Variants in CELSR1 observed in about 807,000 individuals in gnomAD.
CELSR1 encodes the protein cadherin EGF LAG seven-pass G-type receptor 1.
A neutral mutation model predicts 249.1 loss-of-function variants in CELSR1; 110 were observed. The observed-to-expected ratio is 0.44, with a 90% confidence interval of 0.38 to 0.52. The LOEUF (loss-of-function observed/expected upper bound fraction) is 0.52, where lower values mean the gene tolerates loss of function less well. Ranked by LOEUF, CELSR1 falls within the 20% of genes least tolerant of loss-of-function variation. The probability of loss-of-function intolerance (pLI) is 0.00; values close to 1 mark genes in which losing one functional copy is unlikely to be tolerated. For missense variants in CELSR1, 4,109 were observed against 4,296.4 expected, an observed-to-expected ratio of 0.96 and a Z score of 1.22; for synonymous variants, 2,113 against 1,900.0, an observed-to-expected ratio of 1.11 and a Z score of -2.92.
intron 5 of CELSR1, among the ~76,000 whole-genome samples, chr22:46,415,439 CG>C (rs1376965591): frequency 3.9e-5 from 6 of 152,080 alleles, no homozygotes; most frequent in African/African-American, 1.4e-4. Context: ...CATGAGCCAC[CG>C]TACCATCCAG....
At chr22:46,397,572 G>A in intron 12 of CELSR1, 102 bp downstream of exon 12, 11 of 1,094,910 alleles carry the variant, frequency 1.0e-5, no homozygotes, top group Non-Finnish European at 1.3e-5. Flanking sequence ...GGAACCACAG[G>A]GAGTTGGCTG....
Position 46,535,154 on chromosome 22 carries a change from C to T in CELSR1, c.2017G>A (p.Val673Met). 1.2e-6 allele frequency: 2 copies of T among 1,609,868 alleles called. No homozygotes were observed. Among genetic ancestry groups the T allele is most frequent in the South Asian group, 1.1e-5 (1 of 90,942 alleles). The change falls in exon 1 of 35, where the codon GTG becomes ATG. Residue 673 changes from valine (V) to methionine (M), a missense_variant. Val to Met is a conservative substitution (Grantham distance 21). Transcript: ENST00000674500. ...TTCACGTCCAGCACCGTGATGGACA[C>T]GCTGGTGGAGGAGCTCATGGGGGGC... ...GSPPMSSSTS[V>M]SITVLDVNDN...
chr22:46,409,654 G>T lies in CELSR1; in HGVS notation c.5059+101C>A. ...CAGCATATACCACCAGAGGCTGCCG[G>T]ACCTGGATGTGAAGCCCCCTCACGG... On this transcript the variant is annotated intron_variant, in intron 8 of 34. Transcript: ENST00000674500. This position sits in a 1 kb window ranked among gnomAD's most constrained non-coding sequence, Gnocchi z 9.8. 7.0e-7 allele frequency: 1 copy of T among 1,425,266 alleles called. No individual in the cohort carries two copies. Among genetic ancestry groups the T allele is most frequent in the Non-Finnish European group, 9.7e-7 (1 of 1,029,294 alleles). The allele number at this position is 1,425,266 out of a possible 1,614,324, so 88.3% of individuals were successfully genotyped here.
At chr22:46,477,213 C>T (rs1307835054) in intron 1 of CELSR1, among the ~76,000 whole-genome samples, 1 of 152,160 alleles carries the variant, frequency 6.6e-6, no homozygotes, top group East Asian at 1.9e-4. Context: ...GAGCCAAAGT[C>T]GCCATCTGTT....
At chr22:46,419,140 C>T (rs1033742356) in intron 5 of CELSR1, among the ~76,000 whole-genome samples, 3 of 152,194 alleles carry the variant, frequency 2.0e-5, no homozygotes, top group African/African-American at 4.8e-5. Flanking sequence ...AGCCCTGCTC[C>T]TTTGGGGCTC....
intron 1 of CELSR1, among the ~76,000 whole-genome samples, chr22:46,480,403 C>T (rs944269948): frequency 1.3e-5 from 2 of 152,174 alleles, no homozygotes; most frequent in African/African-American, 2.4e-5. Flanking sequence ...AAGTTCTTAT[C>T]CAAATGATAA....
chr22:46,473,609 G>GGGTCCAGAGTC lies in CELSR1; in HGVS notation c.3545-9275_3545-9265dup, dbSNP rs1229416147. ...GTTAGGGCAGCCCATGATGCCCTCG[G>GGGTCCAGAGTC]GGTCCAGAGTCATTCCCCGTGGCCG... On this transcript the variant is annotated intron_variant, in intron 1 of 34. Coordinates refer to ENST00000674500, the MANE Select transcript of CELSR1 (RefSeq NM_001378328.1). This position sits in a 1 kb window ranked among gnomAD's most constrained non-coding sequence, Gnocchi z 6.6. 6.6e-6 allele frequency among the ~76,000 whole-genome samples: 1 copy of GGGTCCAGAGTC among 152,178 alleles called. No individual in the cohort carries two copies. The highest frequency in any genetic ancestry group is 2.4e-5 in the African/African-American group (1 of 41,444).
Position 46,363,637 on chromosome 22 carries a change from A to C in CELSR1, c.9035+359T>G. On this transcript the variant is annotated intron_variant, in intron 34 of 34. Coordinates refer to ENST00000674500, the MANE Select transcript of CELSR1 (RefSeq NM_001378328.1). This position sits in a 1 kb window ranked among gnomAD's most constrained non-coding sequence, Gnocchi z 4.3. ...CCACCCCGCCCCCTTCACCCCTGGC[A>C]TTCCGGGACCCTCAGTATCCTCAAC... is the stretch of plus-strand genomic sequence containing the variant. 5.6e-6 allele frequency: 2 copies of C among 359,080 alleles called. No homozygotes were observed. Among genetic ancestry groups the C allele is most frequent in the East Asian group, 5.4e-5 (1 of 18,618 alleles). 22.2% of individuals were successfully genotyped at this position (359,080 alleles called of 1,614,324 possible).
At position 46,437,764 on chromosome 22, in the gene CELSR1, A is replaced by C. The variant is rs529384700; in HGVS notation, c.4406+1425T>G. 7.2e-4 allele frequency among the ~76,000 whole-genome samples: 109 copies of C among 152,130 alleles called. No homozygotes were observed. The highest frequency in any genetic ancestry group is 1.3e-3 in the Non-Finnish European group (91 of 68,018). ...CAAGACTCCGTCTCAAAAAAAAAAA[A>C]AAAACTGATGGTTCCCAACTGTCGC... is the stretch of plus-strand genomic sequence containing the variant. On this transcript the variant is annotated intron_variant, in intron 3 of 34. Transcript: ENST00000674500. This position sits in a 1 kb window ranked among gnomAD's most constrained non-coding sequence, Gnocchi z 4.9.
At position 46,381,858 on chromosome 22, in the gene CELSR1, C is replaced by T. The variant is rs767985787; in HGVS notation, c.7076G>A (p.Arg2359His). 4.8e-5 allele frequency: 75 copies of T among 1,558,452 alleles called. No homozygotes were observed. Among genetic ancestry groups the T allele is most frequent in the Middle Eastern group, 1.7e-4 (1 of 6,022 alleles). ...GCCCAGGCCTTACCGGAGGCTGCGA[C>T]GGTCGGGGTCGTAGCGCTCGGGCAG... ...QLLPERYDPD[R>H]RSLRLPHRPI... Residue 2359 changes from arginine (R) to histidine (H), a missense_variant, in exon 21 of 35, where the codon CGT becomes CAT. Physicochemically the swap from Arg to His is conservative, Grantham distance 29 (BLOSUM62 0). This residue lies in a region of CELSR1 where 1,805 missense variants were observed against 1,831.6 expected (regional missense o/e 0.99). Coordinates refer to ENST00000674500, the MANE Select transcript of CELSR1 (RefSeq NM_001378328.1). The surrounding 1 kb of genome is among the most constrained non-coding windows in gnomAD (Gnocchi z 6.0).
chr22:46,442,530 C>A (rs554148654), intron 2 of CELSR1, among the ~76,000 whole-genome samples: 1 of 152,238 alleles, frequency 6.6e-6, no homozygotes, highest in Non-Finnish European at 1.5e-5. Flanking sequence ...TCCTGGACAC[C>A]GGCTGCCTCC....
chr22:46,414,251 G>A (rs754013765), intron 5 of CELSR1, among the ~76,000 whole-genome samples: 2 of 152,178 alleles, frequency 1.3e-5, no homozygotes, highest in African/African-American at 2.4e-5. Context: ...TGTGCTGCTC[G>A]ATTCTGACTC....
chr22:46,490,575 C>T lies in CELSR1; in HGVS notation c.3545-26230G>A, dbSNP rs1202024227. ...ATGTTGAGATCAGCCAACCGAAACC[C>T]ACTTTTCAAGCAGGACCTGGGAGGG... is the stretch of plus-strand genomic sequence containing the variant. On this transcript the variant is annotated intron_variant, in intron 1 of 34. Coordinates refer to ENST00000674500, the MANE Select transcript of CELSR1 (RefSeq NM_001378328.1). This position sits in a 1 kb window ranked among gnomAD's most constrained non-coding sequence, Gnocchi z 5.2. Among the ~76,000 whole-genome samples the T allele has an allele frequency of 6.6e-6, 1 of 152,168 alleles. No homozygotes were observed. The highest frequency in any genetic ancestry group is 1.5e-5 in the Non-Finnish European group (1 of 68,040).
At position 46,536,077 on chromosome 22, in the gene CELSR1, T is replaced by C; in HGVS notation, c.1094A>G (p.Asn365Ser). 1.2e-6 allele frequency: 2 copies of C among 1,611,582 alleles called. No homozygotes were observed. Among genetic ancestry groups the C allele is most frequent in the Non-Finnish European group, 8.5e-7 (1 of 1,179,954 alleles). ...CAGCACCTCGTAGCCCACCTCCAGG[T>C]TCTCCCGCACGCGCTCGCGGTACTC... is the stretch of plus-strand genomic sequence containing the variant. ...QSEYRERVRENLEVGYEVLTI... is the reference protein window; with the variant it reads ...QSEYRERVRESLEVGYEVLTI... The change falls in exon 1 of 35, where the codon AAC becomes AGC. Residue 365 changes from asparagine (N) to serine (S), a missense_variant. This residue lies in a region of CELSR1 where 673 missense variants were observed against 636.8 expected (regional missense o/e 1.06). Transcript: ENST00000674500.
At chr22:46,521,882 A>G (rs1182858508) in intron 1 of CELSR1, among the ~76,000 whole-genome samples, 2 of 152,180 alleles carry the variant, frequency 1.3e-5, no homozygotes, top group Non-Finnish European at 2.9e-5. Flanking sequence ...GGATTGCTGG[A>G]TCATATGGTA....
intron 2 of CELSR1, among the ~76,000 whole-genome samples, chr22:46,442,941 A>G (rs2079769691): frequency 6.6e-6 from 1 of 152,042 alleles, no homozygotes; most frequent in African/African-American, 2.4e-5. Flanking sequence ...AATACAAAAA[A>G]AAAAAAATTA....
chr22:46,516,626 C>T (rs1157699941), intron 1 of CELSR1, among the ~76,000 whole-genome samples: 1 of 152,162 alleles, frequency 6.6e-6, no homozygotes, highest in Non-Finnish European at 1.5e-5. Flanking sequence ...AAGCATGAGC[C>T]ACCACACCTG....
At chr22:46,470,011 G>GAGGGAGGA in intron 1 of CELSR1, among the ~76,000 whole-genome samples, 1 of 91,568 alleles carries the variant, frequency 1.1e-5, no homozygotes, top group African/African-American at 4.2e-5. Context: ...AGAGGCAAAG[G>GAGGGAGGA]GGCCAGAGAA....
intron 1 of CELSR1, among the ~76,000 whole-genome samples, chr22:46,520,713 C>T (rs902375780): frequency 3.9e-5 from 6 of 152,110 alleles, no homozygotes; most frequent in South Asian, 4.1e-4. Context: ...CCACCTGCCT[C>T]GGCCTCCCAA....
Sources: gnomAD v4.1 joint callset for allele counts (sites outside exome capture counted in the v4.1 genomes callset) on GRCh38, gnomAD v4.1.1 for gene constraint, gnomAD v4.1.1 regional missense constraint, Gnocchi (gnomAD v3.1) non-coding constraint, MANE v1.5 for transcripts, NCBI Gene and HGNC (gene_info 2026-07-23, HGNC 2026-07-21) for gene names.